The following RSPH10B variants were observed in gnomAD, a reference collection of about 807,000 sequenced individuals.
RSPH10B encodes radial spoke head 10 homolog B.
A neutral mutation model predicts 52.5 loss-of-function variants in RSPH10B; 7 were observed. The observed-to-expected ratio is 0.13, with a 90% CI of 0.08 to 0.25. RSPH10B has a LOEUF of 0.25. Among genes scored for constraint, RSPH10B ranks in the 10% least tolerant of loss-of-function variants. The pLI, the probability that RSPH10B is intolerant of heterozygous loss-of-function variation, is 1.00. For synonymous variants in RSPH10B, 28 were observed against 193.2 expected (o/e 0.14, Z 7.09); for missense variants, 89 against 542.5 (o/e 0.16, Z 8.30).
At chr7:5,944,438 A>G (rs1367252464) in intron 11 of RSPH10B, among the ~76,000 whole-genome samples, 2 of 150,422 alleles carry the variant, frequency 1.3e-5, no homozygotes, top group African/African-American at 2.5e-5. Flanking sequence ...TTAAAAAAAG[A>G]TATAAAACCA....
At chr7:5,927,046 TA>T (rs1314296592) in intron 18 of RSPH10B, among the ~76,000 whole-genome samples, 227 of 14,990 alleles carry the variant, frequency 0.015, no homozygotes, top group African/African-American at 0.036. Flanking sequence ...TGTGTGTGTG[TA>T]TTATGTGTGT....
intron 13 of RSPH10B, among the ~76,000 whole-genome samples, chr7:5,942,146 C>T (rs191237813): frequency 2.4e-4 from 36 of 148,210 alleles, no homozygotes; most frequent in African/African-American, 7.0e-4. Context: ...CCACCCCCTC[C>T]GCCTTCCAAA....
At position 5,960,821 on chromosome 7, in the gene RSPH10B, G is replaced by A. The variant is rs201408132; in HGVS notation, c.443C>T (p.Thr148Met). The change falls in exon 4 of 19, where the codon ACG (threonine) becomes ATG (methionine). Residue 148 changes from threonine (T) to methionine (M), a missense_variant. Physicochemically the swap from Thr to Met is moderately conservative, Grantham distance 81 (BLOSUM62 -1). Coordinates refer to ENST00000337579, the Ensembl canonical transcript of RSPH10B. ...TTCATACATGCTGCCGTCCGGCCACGTGTACACGCCGTGGTTCATCGGGAC... is the reference window on the plus strand; with the variant it reads ...TTCATACATGCTGCCGTCCGGCCACATGTACACGCCGTGGTTCATCGGGAC... 5,916 of 746,440 alleles carry A rather than the reference G, an allele frequency of 7.9e-3. 75 individuals are homozygous for A. Among genetic ancestry groups the A allele is most frequent in the Admixed American group, 0.033 (614 of 18,612 alleles). 46.2% of individuals were successfully genotyped at this position (746,440 alleles called of 1,614,324 possible).
intron 9 of RSPH10B, among the ~76,000 whole-genome samples, chr7:5,950,619 CCTCT>C (rs1237343966): frequency 7.0e-6 from 1 of 142,178 alleles, no homozygotes; most frequent in Non-Finnish European, 1.6e-5. Context: ...TACTCACCTC[CCTCT>C]GTCACACTTC....
At chr7:5,927,086 G>GTATATATATATA (rs1562553478) in intron 18 of RSPH10B, among the ~76,000 whole-genome samples, 1 of 69,094 alleles carries the variant, frequency 1.4e-5, no homozygotes, top group Non-Finnish European at 2.9e-5. Flanking sequence ...GTGTGTGTGT[G>GTATATATATATA]TGTGTGTGTG....
intron 18 of RSPH10B, among the ~76,000 whole-genome samples, chr7:5,927,070 A>ATATATGTGTGTGTGTGTG (rs1554284566): frequency 9.0e-6 from 1 of 110,692 alleles, no homozygotes; most frequent in Non-Finnish European, 1.9e-5. Flanking sequence ...GTGTGTGTAT[A>ATATATGTGTGTGTGTGTG]TGTGTGTGTG....
chr7:5,954,988 T>TAAAAA (rs1185408288), intron 7 of RSPH10B, among the ~76,000 whole-genome samples: 6 of 24,162 alleles, frequency 2.5e-4, no homozygotes, highest in African/African-American at 6.5e-4. Flanking sequence ...CTGTAACTAC[T>TAAAAA]AAAAAAAAAA....
chr7:5,927,627 G>C (rs1779569986), intron 18 of RSPH10B, among the ~76,000 whole-genome samples: 2 of 143,598 alleles, frequency 1.4e-5, no homozygotes, highest in Non-Finnish European at 3.0e-5. Context: ...CACAGGTTTT[G>C]AACTCTTGGG....
exon 18 of RSPH10B, chr7:5,928,339 A>T: frequency 6.2e-7 from 1 of 1,613,246 alleles, no homozygotes; most frequent in East Asian, 2.2e-5. Context: ...CGTACATATT[A>T]TTGACCCACG....
intron 14 of RSPH10B, among the ~76,000 whole-genome samples, chr7:5,938,427 A>AC (rs1483656373): frequency 8.2e-6 from 1 of 121,672 alleles, no homozygotes; most frequent in East Asian, 2.1e-4. Context: ...AAAAAAAAAA[A>AC]ATTAGCCGGG....
chr7:5,942,013 C>T (rs555379606), intron 13 of RSPH10B, among the ~76,000 whole-genome samples: 2 of 149,714 alleles, frequency 1.3e-5, no homozygotes, highest in African/African-American at 4.9e-5. Flanking sequence ...CTGCCTCAGC[C>T]TCCGAAGTGG....
intron 15 of RSPH10B, 126 bp downstream of exon 17, chr7:5,937,632 T>G: frequency 1.4e-6 from 1 of 701,054 alleles, no homozygotes; most frequent in Non-Finnish European, 2.5e-6. Context: ...GGTCTCGATC[T>G]TCTGACCTCG....
intron 13 of RSPH10B, among the ~76,000 whole-genome samples, chr7:5,940,904 C>T (rs1418940790): frequency 0.014 from 716 of 50,310 alleles, 35 homozygotes; most frequent in African/African-American, 0.042. Flanking sequence ...CCAGCCTGGG[C>T]GACAGAGCAA....
intron 10 of RSPH10B, among the ~76,000 whole-genome samples, chr7:5,947,889 T>TGTGA (rs1780496563): frequency 1.0e-5 from 1 of 97,650 alleles, no homozygotes; most frequent in South Asian, 3.1e-4. Flanking sequence ...TGTGTGTGTG[T>TGTGA]GTGATGGAGT....
At chr7:5,930,965 T>A (rs1460306982) in intron 17 of RSPH10B, among the ~76,000 whole-genome samples, 1 of 95,010 alleles carries the variant, frequency 1.1e-5, no homozygotes, top group Non-Finnish European at 2.3e-5. Flanking sequence ...ATATGGAGTC[T>A]CACTGTCACC....
At chr7:5,928,431 A>G (rs1242716620) in intron 17 of RSPH10B, 37 bp from the exon 20 acceptor site, 5 of 1,593,282 alleles carry the variant, frequency 3.1e-6, no homozygotes, top group Non-Finnish European at 4.3e-6. Flanking sequence ...CATGAATACA[A>G]TCCTGCTGTC....
chr7:5,945,852 TG>T (rs776763405), intron 10 of RSPH10B, among the ~76,000 whole-genome samples: 67 of 432 alleles, frequency 0.16, no homozygotes, highest in East Asian at 0.36. Flanking sequence ...GTTGTTAAAT[TG>T]ATGACATCAA....
At chr7:5,943,514 T>C in intron 12 of RSPH10B, 42 bp from the exon 15 acceptor site, 6 of 1,610,018 alleles carry the variant, frequency 3.7e-6, no homozygotes, top group Non-Finnish European at 5.1e-6. Context: ...GATTTATGTT[T>C]TGAGAAAAAA....
chr7:5,941,850 C>T lies in RSPH10B; in HGVS notation c.1758+1474G>A, dbSNP rs112731621. ...TAATAACTTTTAAAAATTCCTTTTT[C>T]GATAAACTGTAATTGTTTTAAATGA... On this transcript the variant is annotated intron_variant, in intron 13 of 18. Transcript: ENST00000337579. Among the ~76,000 whole-genome samples, 10 of 146,256 alleles carry T rather than the reference C, an allele frequency of 6.8e-5. 1 individual carries two copies. Among genetic ancestry groups the T allele is most frequent in the African/African-American group, 1.8e-4 (7 of 39,992 alleles).
Sources: gnomAD v4.1 joint callset for allele counts (sites outside exome capture counted in the v4.1 genomes callset) on GRCh38, gnomAD v4.1.1 for gene constraint, MANE v1.5 for transcripts, NCBI Gene and HGNC (gene_info 2026-07-23, HGNC 2026-07-21) for gene names.